The following EXD3 variants were observed in gnomAD, a reference collection of about 807,000 sequenced individuals.
EXD3 encodes the protein exonuclease mut-7 homolog.
EXD3 carries 92 observed loss-of-function variants against 98.0 expected under a neutral mutation model. The observed-to-expected ratio is 0.94, with a 90% CI of 0.79 to 1.12. The LOEUF (loss-of-function observed/expected upper bound fraction) is 1.12, where lower values mean the gene tolerates loss of function less well. Ranked by LOEUF, EXD3 falls within the 50% of genes most tolerant of loss-of-function variation. The pLI is 0.00. For synonymous variants in EXD3, 569 were observed against 526.0 expected, an observed-to-expected ratio of 1.08 and a Z score of -1.12; for missense variants, 1,222 against 1,191.6, an observed-to-expected ratio of 1.03 and a Z score of -0.38.
chr9:137,342,436 G>A (rs1833695973), intron 17 of EXD3, among the ~76,000 whole-genome samples: 1 of 152,160 alleles, frequency 6.6e-6, no homozygotes, highest in South Asian at 2.1e-4. Context: ...TCTCCCAGGG[G>A]AGTCCTGTAG....
Position 137,395,083 on chromosome 9 carries a change from G to A in EXD3, c.55+220C>T, listed in dbSNP as rs770932058. Among the ~76,000 whole-genome samples, 20 of 152,108 alleles carry A rather than the reference G, an allele frequency of 1.3e-4. No individual in the cohort carries two copies. Among genetic ancestry groups the A allele is most frequent in the Admixed American group, 9.8e-4 (15 of 15,280 alleles). On this transcript the variant is annotated intron_variant, in intron 2 of 21. Transcript: ENST00000340951. This position sits in a 1 kb window ranked among gnomAD's most constrained non-coding sequence, Gnocchi z 6.5. ...CAGGCCACCCACGCTGGGGCCCAAG[G>A]AGGCGGCCTGTCCTGACCCCCGAGG...
At chr9:137,404,270 GTCCT>G (rs1837615182) in intron 1 of EXD3, among the ~76,000 whole-genome samples, 1 of 152,160 alleles carries the variant, frequency 6.6e-6, no homozygotes, top group Admixed American at 6.5e-5. Context: ...CAGATCGCGG[GTCCT>G]TCCCCAACAG....
intron 19 of EXD3, among the ~76,000 whole-genome samples, chr9:137,319,138 GC>G (rs961417094): frequency 2.0e-5 from 3 of 152,264 alleles, no homozygotes; most frequent in Non-Finnish European, 4.4e-5. Context: ...CCAGAGCCAG[GC>G]CCCGTGGGCA....
At chr9:137,339,965 G>A (rs1301113697) in intron 17 of EXD3, among the ~76,000 whole-genome samples, 1 of 152,152 alleles carries the variant, frequency 6.6e-6, no homozygotes, top group African/African-American at 2.4e-5. Context: ...TGCAGATGAC[G>A]TGTACGAACA....
intron 7 of EXD3, among the ~76,000 whole-genome samples, chr9:137,363,096 T>A (rs1453226114): frequency 6.6e-6 from 1 of 151,514 alleles, no homozygotes; most frequent in Non-Finnish European, 1.5e-5. Context: ...CAGGCATGAG[T>A]CACCACACCC....
At chr9:137,397,485 C>T (rs907487744) in intron 1 of EXD3, among the ~76,000 whole-genome samples, 3 of 151,972 alleles carry the variant, frequency 2.0e-5, no homozygotes, top group Admixed American at 1.3e-4. Flanking sequence ...GGATAATTCA[C>T]GAAACTCAGC....
chr9:137,361,663 T>C (rs1835000058), intron 7 of EXD3, among the ~76,000 whole-genome samples: 2 of 150,962 alleles, frequency 1.3e-5, no homozygotes, highest in South Asian at 2.1e-4. Context: ...GGAGAATTAC[T>C]TGAACCCGGG....
At chr9:137,422,124 A>AC (rs1838553518) in intron 1 of EXD3, among the ~76,000 whole-genome samples, 2 of 151,624 alleles carry the variant, frequency 1.3e-5, no homozygotes, top group African/African-American at 4.8e-5. Context: ...AAAAAAAAAA[A>AC]AAAAAAAAAA....
chr9:137,370,994 T>C (rs1298243060), intron 5 of EXD3, among the ~76,000 whole-genome samples: 2 of 152,172 alleles, frequency 1.3e-5, no homozygotes, highest in African/African-American at 4.8e-5. Context: ...GCGGCCTCTT[T>C]CGGCCGGGCG....
intron 1 of EXD3, among the ~76,000 whole-genome samples, chr9:137,421,706 C>T (rs973091553): frequency 6.6e-6 from 1 of 152,144 alleles, no homozygotes; most frequent in African/African-American, 2.4e-5. Flanking sequence ...GTCCTGGTGG[C>T]AAACACCTGT....
In EXD3 at chr9:137,413,642, C is replaced by T. The variant is rs150962791; in HGVS notation, c.-48+9472G>A. Among the ~76,000 whole-genome samples, 389 of 151,284 alleles carry T rather than the reference C, an allele frequency of 2.6e-3. 2 individuals are homozygous for T. Among genetic ancestry groups the T allele is most frequent in the African/African-American group, 9.3e-3 (381 of 41,154 alleles). ...TAAGTCTCCTGAGTAGCTGGGACTA[C>T]AGGCGCCCACTACCACACCCGGCTA... On this transcript the variant is annotated intron_variant, in intron 1 of 21. Transcript: ENST00000340951.
chr9:137,311,735 C>T (rs530403392), intron 19 of EXD3, among the ~76,000 whole-genome samples: 32 of 152,306 alleles, frequency 2.1e-4, no homozygotes, highest in Admixed American at 1.8e-3. Flanking sequence ...TGGCTGTGCC[C>T]GCCCTTGGAC....
At chr9:137,335,698 A>G (rs2119166239) in intron 17 of EXD3, among the ~76,000 whole-genome samples, 2 of 152,254 alleles carry the variant, frequency 1.3e-5, no homozygotes, top group African/African-American at 4.8e-5. Flanking sequence ...AAATAAATAA[A>G]TAAATTAGTA....
chr9:137,354,473 C>T, intron 9 of EXD3, 96 bp from the exon 10 acceptor site: 2 of 1,579,322 alleles, frequency 1.3e-6, no homozygotes, highest in Non-Finnish European at 1.7e-6. Context: ...CAGGGTACAT[C>T]CTTGGCAGAG....
rs141822113 is a variant in EXD3, at chr9:137,372,272, C to T, written c.462+633G>A. On this transcript the variant is annotated intron_variant, in intron 5 of 21. Coordinates refer to ENST00000340951, the MANE Select transcript of EXD3 (RefSeq NM_017820.5). ...GCACCTGGGCGACTGTGCCGAGGTG[C>T]GACTGGTGCCCTGGCCCTGAACCTT... is the stretch of plus-strand genomic sequence containing the variant. Among the ~76,000 whole-genome samples, 217 of 152,348 alleles carry T rather than the reference C, an allele frequency of 1.4e-3. 1 individual carries two copies. Among genetic ancestry groups the T allele is most frequent in the African/African-American group, 4.9e-3 (204 of 41,584 alleles).
At position 137,349,192 on chromosome 9, in the gene EXD3, C is replaced by T. The variant is rs529009170; in HGVS notation, c.1748G>A (p.Arg583Gln). ...TGGTCTCTCTCTGTGCCTGGGCCTC[C>T]GGCTCCCAGCCAGGTCCTCCGACAG... Reference protein sequence around the residue: ...FHLSEDLAGSRRPRHRERPGA... With the variant: ...FHLSEDLAGSQRPRHRERPGA... The change falls in exon 16 of 22, where the codon CGG becomes CAG. Residue 583 changes from arginine to glutamine, a missense_variant. Arg to Gln is a conservative substitution (Grantham distance 43, BLOSUM62 1). Transcript: ENST00000340951. This position sits in a 1 kb window ranked among gnomAD's most constrained non-coding sequence, Gnocchi z 7.4. 126 of 1,586,988 alleles carry T rather than the reference C, an allele frequency of 7.9e-5. 1 individual carries two copies. The highest frequency in any genetic ancestry group is 5.6e-4 in the Admixed American group (32 of 56,990).
In EXD3 at chr9:137,371,594, C is replaced by T. The variant is rs1410206189; in HGVS notation, c.462+1311G>A. 6.6e-6 allele frequency among the ~76,000 whole-genome samples: 1 copy of T among 151,964 alleles called. No homozygotes were observed. Among genetic ancestry groups the T allele is most frequent in the Non-Finnish European group, 1.5e-5 (1 of 67,916 alleles). ...CACGCTCGGCCCTGAAGTAAGGGGG[C>T]CCTAATGGGGCGGGGAGTGGACCAG... On this transcript the variant is annotated intron_variant, in intron 5 of 21. Coordinates refer to ENST00000340951, the MANE Select transcript of EXD3 (RefSeq NM_017820.5). This position sits in a 1 kb window ranked among gnomAD's most constrained non-coding sequence, Gnocchi z 8.0.
At chr9:137,325,340 C>A (rs1832335713) in intron 17 of EXD3, among the ~76,000 whole-genome samples, 1 of 152,202 alleles carries the variant, frequency 6.6e-6, no homozygotes, top group Non-Finnish European at 1.5e-5. Context: ...GGCTCCCACA[C>A]CACAGGGGGG....
chr9:137,349,013 A>C lies in EXD3; in HGVS notation c.1830+97T>G. 1 of 1,394,514 alleles carries C rather than the reference A, an allele frequency of 7.2e-7. No individual in the cohort carries two copies. Among genetic ancestry groups the C allele is most frequent in the South Asian group, 1.4e-5 (1 of 69,132 alleles). 86.4% of individuals were successfully genotyped at this position (1,394,514 alleles called of 1,614,324 possible). Reference sequence around the variant, plus strand: ...AGCTGGGCCCCCTCCACACGCTCTGACCCAGTGGCCTTGTCTCCATGCAGG... The same window carrying C: ...AGCTGGGCCCCCTCCACACGCTCTGCCCCAGTGGCCTTGTCTCCATGCAGG... On this transcript the variant is annotated intron_variant, in intron 16 of 21. Transcript: ENST00000340951. The surrounding 1 kb of genome is among the most constrained non-coding windows in gnomAD (Gnocchi z 7.4).
Sources: gnomAD v4.1 joint callset for allele counts (sites outside exome capture counted in the v4.1 genomes callset) on GRCh38, gnomAD v4.1.1 for gene constraint, Gnocchi (gnomAD v3.1) non-coding constraint, MANE v1.5 for transcripts, NCBI Gene and HGNC (gene_info 2026-07-23, HGNC 2026-07-21) for gene names.